TVP23C: variants seen among roughly 807,000 people sequenced by gnomAD.
TVP23C encodes the protein trans-golgi network vesicle protein 23 homolog C.
A neutral mutation model predicts 28.7 loss-of-function variants in TVP23C; 19 were observed. The ratio of observed to expected loss-of-function variants is 0.66; its 90% confidence interval spans 0.46 to 0.97. The LOEUF (loss-of-function observed/expected upper bound fraction) is 0.97. Ranked by LOEUF, TVP23C falls within the 50% of genes least tolerant of loss-of-function variation. The pLI, the probability that TVP23C is intolerant of heterozygous loss-of-function variation, is 0.00. For synonymous variants in TVP23C, 68 were observed against 81.7 expected, an observed-to-expected ratio of 0.83 and a Z score of 0.90; for missense variants, 186 against 241.3, an observed-to-expected ratio of 0.77 and a Z score of 1.52.
rs1983188608 is a variant in TVP23C, at chr17:15,537,145, T to C, written c.*3267A>G. 1 of 295,932 alleles carries C rather than the reference T, an allele frequency of 3.4e-6. No homozygotes were observed. The highest frequency in any genetic ancestry group is 4.9e-6 in the Non-Finnish European group (1 of 203,616). 18.3% of individuals were successfully genotyped at this position (295,932 alleles called of 1,614,324 possible). A position where few individuals can be genotyped will look rare whatever the true frequency, so the allele number is the denominator to read the frequency against. ...TGCTGATTAAGACTTCAACAAAGTT[T>C]ATAATACCTACAACAGAATTTACAG... On this transcript the variant is annotated 3_prime_UTR_variant, in exon 6 of 6. Transcript: ENST00000518321.
chr17:15,555,023 T>C, intron 2 of TVP23C, among the ~76,000 whole-genome samples: 1 of 152,232 alleles, frequency 6.6e-6, no homozygotes, highest in Non-Finnish European at 1.5e-5. Flanking sequence ...TGGTACATTC[T>C]TGGAAAATAG....
At chr17:15,502,921 A>C (rs758195654) in exon 6 of TVP23C, 1 of 1,612,652 alleles carries the variant, frequency 6.2e-7, no homozygotes, top group Non-Finnish European at 8.5e-7. Flanking sequence ...TTCCTCTGCT[A>C]TTGGGACTCT....
intron 1 of TVP23C, among the ~76,000 whole-genome samples, chr17:15,561,682 A>AT: frequency 6.6e-6 from 1 of 152,220 alleles, no homozygotes; most frequent in Non-Finnish European, 1.5e-5. Flanking sequence ...AACAGTCAAC[A>AT]TGGTTGTGTT....
chr17:15,505,063 C>T (rs756931151), intron 5 of TVP23C, among the ~76,000 whole-genome samples: 13 of 152,138 alleles, frequency 8.5e-5, no homozygotes, highest in Admixed American at 2.6e-4. Context: ...ACATTCAACG[C>T]ATGTGTGTTC....
At chr17:15,528,393 T>C (rs1162755520) in intron 5 of TVP23C, among the ~76,000 whole-genome samples, 1 of 151,942 alleles carries the variant, frequency 6.6e-6, no homozygotes, top group Non-Finnish European at 1.5e-5. Context: ...AATTTTCACA[T>C]CTTTGTGAAT....
chr17:15,535,930 G>A (rs889105840), downstream of TVP23C, among the ~76,000 whole-genome samples: 3 of 152,158 alleles, frequency 2.0e-5, no homozygotes, highest in Non-Finnish European at 4.4e-5. Context: ...GATGGCTCAC[G>A]CCTGTAATCT....
At chr17:15,541,261 T>C (rs2150849156) in intron 5 of TVP23C, among the ~76,000 whole-genome samples, 2 of 152,276 alleles carry the variant, frequency 1.3e-5, no homozygotes, top group Non-Finnish European at 2.9e-5. Context: ...ATTGAGACAA[T>C]GTGAGGGATT....
At chr17:15,526,682 G>A (rs948038542) in intron 5 of TVP23C, among the ~76,000 whole-genome samples, 2 of 152,114 alleles carry the variant, frequency 1.3e-5, no homozygotes. Flanking sequence ...GTATGCGTTG[G>A]TTTCATTTAC....
chr17:15,524,061 G>GA (rs1982608483), intron 5 of TVP23C, among the ~76,000 whole-genome samples: 1 of 130,242 alleles, frequency 7.7e-6, no homozygotes, highest in Non-Finnish European at 1.6e-5. Flanking sequence ...GTAGCAGAGT[G>GA]GGGTGTGTGT....
chr17:15,540,667 G>A lies in TVP23C; in HGVS notation c.463-106C>T, dbSNP rs571978120. 6.4e-4 allele frequency: 408 copies of A among 637,218 alleles called. 7 individuals are homozygous for A. The South Asian group carries it at 7.8e-3, about 12-fold the overall frequency. The allele number at this position is 637,218 out of a possible 1,614,324, so 39.5% of individuals were successfully genotyped here. On this transcript the variant is annotated intron_variant, in intron 5 of 5. Transcript: ENST00000518321. Reference sequence around the variant, plus strand: ...CTGTCATGAGAAAGAGAAGGAAGAGGAAGCTCTGCAAAGCCATGATTGTGC... The same window carrying A: ...CTGTCATGAGAAAGAGAAGGAAGAGAAAGCTCTGCAAAGCCATGATTGTGC...
chr17:15,530,475 A>G (rs1053882474), intron 5 of TVP23C, among the ~76,000 whole-genome samples: 5 of 152,184 alleles, frequency 3.3e-5, no homozygotes, highest in African/African-American at 4.8e-5. Flanking sequence ...TGCATCTTTT[A>G]TAAGTTATAA....
At chr17:15,545,197 T>G (rs188847168) in intron 5 of TVP23C, among the ~76,000 whole-genome samples, 200 of 152,220 alleles carry the variant, frequency 1.3e-3, no homozygotes, top group African/African-American at 3.7e-3. Context: ...GGCTAGATTG[T>G]AAAAGCTTGT....
intron 5 of TVP23C, among the ~76,000 whole-genome samples, chr17:15,520,749 C>T (rs2150835247): frequency 6.6e-6 from 1 of 152,154 alleles, no homozygotes; most frequent in East Asian, 1.9e-4. Flanking sequence ...TGCTTGATAC[C>T]ACCATGTCCT....
At chr17:15,544,594 C>A (rs1343786510) in intron 5 of TVP23C, among the ~76,000 whole-genome samples, 1 of 151,566 alleles carries the variant, frequency 6.6e-6, no homozygotes, top group Non-Finnish European at 1.5e-5. Context: ...CTATAATAAG[C>A]AAAACTCTAG....
chr17:15,537,268 T>G lies in TVP23C; in HGVS notation c.*3144A>C, dbSNP rs1597528047. 1.5e-6 allele frequency: 1 copy of G among 652,464 alleles called. No homozygotes were observed. Among genetic ancestry groups the G allele is most frequent in the East Asian group, 1.4e-4 (1 of 7,192 alleles). The allele number at this position is 652,464 out of a possible 1,614,324, so 40.4% of individuals were successfully genotyped here. A position where few individuals can be genotyped will look rare whatever the true frequency, so the allele number is the denominator to read the frequency against. ...AATGCATAATTTACAATATCCCCAT[T>G]ATAGCAAGAAAAAAATAGATTCAGA... On this transcript the variant is annotated 3_prime_UTR_variant, in exon 6 of 6. Coordinates refer to ENST00000518321, the MANE Select transcript of TVP23C (RefSeq NM_001135036.2).
intron 5 of TVP23C, chr17:15,503,417 C>A: frequency 1.4e-6 from 1 of 706,142 alleles, no homozygotes; most frequent in East Asian, 3.0e-5. Context: ...CAAGAAAAGT[C>A]CTTGAGGCAA....
chr17:15,502,939 T>C (rs1366978720), exon 6 of TVP23C: 2 of 1,613,830 alleles, frequency 1.2e-6, no homozygotes, highest in Admixed American at 1.7e-5. Context: ...TCTCCCCACC[T>C]CCCCTCCAGG....
At chr17:15,504,760 C>T (rs1981649461) in intron 5 of TVP23C, among the ~76,000 whole-genome samples, 1 of 151,986 alleles carries the variant, frequency 6.6e-6, no homozygotes, top group South Asian at 2.1e-4. Context: ...GGTCTCAAAC[C>T]CCTAGCCTCA....
At chr17:15,506,252 A>G (rs1369215251) in intron 5 of TVP23C, among the ~76,000 whole-genome samples, 1 of 150,824 alleles carries the variant, frequency 6.6e-6, no homozygotes, top group Admixed American at 6.6e-5. Flanking sequence ...GAGTGCACCA[A>G]TCGACACTCT....
Sources: allele counts gnomAD v4.1 joint callset (sites outside exome capture counted in the v4.1 genomes callset), GRCh38; gene constraint gnomAD v4.1.1; transcripts MANE v1.5; gene names NCBI Gene and HGNC (gene_info 2026-07-23, HGNC 2026-07-21).